Variants in PLXNA4 observed in about 807,000 individuals in gnomAD.
PLXNA4 encodes the protein plexin A4.
Under a neutral mutation model 191.8 loss-of-function variants are expected in PLXNA4, and 44 were observed. The observed-to-expected ratio is 0.23, with a 90% confidence interval of 0.18 to 0.29. The LOEUF (loss-of-function observed/expected upper bound fraction) is 0.29, where lower values mean the gene tolerates loss of function less well. Ranked by LOEUF, PLXNA4 falls within the 10% of genes least tolerant of loss-of-function variation. PLXNA4 has a pLI of 1.00. For missense variants in PLXNA4, 1,800 were observed against 2,488.8 expected, an observed-to-expected ratio of 0.72 and a Z score of 5.89; for synonymous variants, 1,082 against 1,009.5, an observed-to-expected ratio of 1.07 and a Z score of -1.36.
chr7:132,245,421 C>T (rs1472044674), intron 4 of PLXNA4, among the ~76,000 whole-genome samples: 3 of 152,234 alleles, frequency 2.0e-5, no homozygotes, highest in Non-Finnish European at 4.4e-5. Flanking sequence ...TGTGCATAAA[C>T]TGTGCTTGGG....
intron 2 of PLXNA4, among the ~76,000 whole-genome samples, chr7:132,499,157 T>C (rs896287780): frequency 2.0e-4 from 31 of 152,254 alleles, no homozygotes; most frequent in African/African-American, 7.2e-4. Context: ...TTGCTGAGCA[T>C]AGCAGCCAAA....
chr7:132,147,819 C>T, intron 27 of PLXNA4, 81 bp downstream of exon 27: 1 of 1,589,184 alleles, frequency 6.3e-7, no homozygotes, highest in Non-Finnish European at 8.6e-7. Flanking sequence ...CAAGAGTCTC[C>T]TGCCTTCTGG....
At chr7:132,532,988 T>C (rs1310624639) in intron 1 of PLXNA4, among the ~76,000 whole-genome samples, 1 of 152,236 alleles carries the variant, frequency 6.6e-6, no homozygotes, top group East Asian at 1.9e-4. Flanking sequence ...GAGGAATAAG[T>C]AGAGCAATCA....
chr7:132,149,211 A>G (rs1385654299), intron 25 of PLXNA4, among the ~76,000 whole-genome samples: 1 of 152,196 alleles, frequency 6.6e-6, no homozygotes, highest in Non-Finnish European at 1.5e-5. Context: ...TCTCACGCCC[A>G]TGAACATCCC....
chr7:132,353,100 T>G (rs1044817764), intron 3 of PLXNA4, among the ~76,000 whole-genome samples: 3 of 152,200 alleles, frequency 2.0e-5, no homozygotes, highest in Non-Finnish European at 2.9e-5. Flanking sequence ...TCCACGCTTG[T>G]TTTTAGCTCT....
Position 132,168,230 on chromosome 7 carries a change from G to A in PLXNA4, c.4286+74C>T, listed in dbSNP as rs59200081. 2.0e-5 allele frequency: 29 copies of A among 1,434,856 alleles called. No homozygotes were observed. The East Asian group carries it at 3.8e-4, about 19-fold the overall frequency. 88.9% of individuals were successfully genotyped at this position (1,434,856 alleles called of 1,614,324 possible). A position where few individuals can be genotyped will look rare whatever the true frequency, so the allele number is the denominator to read the frequency against. ...GGCTGCTCTCCTAGGAGCTCCACCC[G>A]AGTCTCCCTGCAAGGCACGGTGAGC... On this transcript the variant is annotated intron_variant, in intron 22 of 31. Transcript: ENST00000321063.
chr7:132,131,041 C>T (rs1794911820), intron 31 of PLXNA4, among the ~76,000 whole-genome samples: 1 of 152,196 alleles, frequency 6.6e-6, no homozygotes. Flanking sequence ...CCATCAGCTC[C>T]TTGAGGCCCC....
intron 4 of PLXNA4, among the ~76,000 whole-genome samples, chr7:132,284,952 T>C (rs1218064340): frequency 6.6e-6 from 1 of 151,994 alleles, no homozygotes; most frequent in Non-Finnish European, 1.5e-5. Context: ...TGACCTCAGA[T>C]GATCTGCCCA....
intron 14 of PLXNA4, among the ~76,000 whole-genome samples, chr7:132,188,230 C>T (rs894200714): frequency 6.6e-6 from 1 of 152,150 alleles, no homozygotes. Flanking sequence ...CAAGGGCTGC[C>T]CCCAGCCCTC....
intron 3 of PLXNA4, among the ~76,000 whole-genome samples, chr7:132,359,743 C>T (rs768846243): frequency 3.3e-5 from 5 of 152,058 alleles, no homozygotes; most frequent in Non-Finnish European, 5.9e-5. Flanking sequence ...CATGTGTCTA[C>T]GTGTGTATGT....
intron 3 of PLXNA4, among the ~76,000 whole-genome samples, chr7:132,327,521 A>G (rs1414417596): frequency 6.6e-6 from 1 of 152,298 alleles, no homozygotes; most frequent in Non-Finnish European, 1.5e-5. Context: ...AGATCCATAT[A>G]TAACTTGTCT....
chr7:132,420,666 C>G (rs1017321691), intron 3 of PLXNA4, among the ~76,000 whole-genome samples: 3 of 152,198 alleles, frequency 2.0e-5, no homozygotes, highest in African/African-American at 7.2e-5. Context: ...GCAACCATCA[C>G]CACTGATATG....
At chr7:132,366,793 G>T (rs1804205812) in intron 3 of PLXNA4, among the ~76,000 whole-genome samples, 1 of 152,156 alleles carries the variant, frequency 6.6e-6, no homozygotes, top group Non-Finnish European at 1.5e-5. Flanking sequence ...ACAGTGCCTT[G>T]CTCTGTTGTC....
At chr7:132,426,011 G>T (rs913495507) in intron 3 of PLXNA4, among the ~76,000 whole-genome samples, 11 of 152,170 alleles carry the variant, frequency 7.2e-5, no homozygotes, top group Non-Finnish European at 1.6e-4. Flanking sequence ...CAGGACTCTG[G>T]GGTGCCTCAT....
intron 2 of PLXNA4, among the ~76,000 whole-genome samples, chr7:132,609,343 T>C (rs957707155): frequency 2.0e-5 from 3 of 152,108 alleles, no homozygotes; most frequent in Admixed American, 6.5e-5. Flanking sequence ...TGGAAGTATG[T>C]GAGTTGCTCC....
At chr7:132,481,596 A>C (rs1337649453) in intron 3 of PLXNA4, among the ~76,000 whole-genome samples, 3 of 152,172 alleles carry the variant, frequency 2.0e-5, no homozygotes, top group Non-Finnish European at 4.4e-5. Flanking sequence ...TGGTGCCTAC[A>C]CGGTGTTCAA....
intron 25 of PLXNA4, among the ~76,000 whole-genome samples, chr7:132,158,555 C>T (rs1414762119): frequency 6.6e-6 from 1 of 152,222 alleles, no homozygotes; most frequent in Non-Finnish European, 1.5e-5. Flanking sequence ...TACAATGGAT[C>T]ACACACTGCA....
chr7:132,162,435 C>T (rs1304749116), intron 24 of PLXNA4, among the ~76,000 whole-genome samples: 2 of 152,190 alleles, frequency 1.3e-5, no homozygotes, highest in East Asian at 1.9e-4. Context: ...GCTCAGTGCA[C>T]TACCAGTACT....
intron 3 of PLXNA4, chr7:132,366,205 TTC>T (rs1392825808): frequency 6.6e-6 from 1 of 152,096 alleles, no homozygotes; most frequent in African/African-American, 2.4e-5. Context: ...ACCCTGTGCT[TTC>T]TGAGTCTTGA....
Sources: gnomAD v4.1 joint callset for allele counts (sites outside exome capture counted in the v4.1 genomes callset) on GRCh38, gnomAD v4.1.1 for gene constraint, MANE v1.5 for transcripts, NCBI Gene and HGNC (gene_info 2026-07-23, HGNC 2026-07-21) for gene names.